The following ZNF813 variants were observed in gnomAD, a reference collection of about 807,000 sequenced individuals.
The protein encoded by ZNF813 is zinc finger protein 813.
In ZNF813, 3 loss-of-function variants were observed where a neutral mutation model predicts 7.2. The observed-to-expected ratio is 0.42, with a 90% confidence interval of 0.19 to 1.08. The LOEUF (loss-of-function observed/expected upper bound fraction) is 1.08, where lower values mean the gene tolerates loss of function less well. Among genes scored for constraint, ZNF813 ranks in the 50% least tolerant of loss-of-function variants. The pLI is 0.30. For synonymous variants in ZNF813, 227 were observed against 256.3 expected (o/e 0.89, Z 1.09); for missense variants, 714 against 753.3 (o/e 0.95, Z 0.61).
intron 1 of ZNF813, among the ~76,000 whole-genome samples, chr19:53,477,628 C>T (rs561513346): frequency 2.3e-4 from 34 of 149,044 alleles, no homozygotes; most frequent in Non-Finnish European, 3.8e-4. Context: ...CCAGCCTGGG[C>T]AACATAGTAA....
At chr19:53,486,592 C>T in intron 2 of ZNF813, 40 bp from the exon 3 acceptor site, 1 of 1,613,896 alleles carries the variant, frequency 6.2e-7, no homozygotes, top group South Asian at 1.1e-5. Context: ...GATAAGAACT[C>T]CTCCCATAAC....
At chr19:53,488,385 C>T in intron 3 of ZNF813, 2 of 294,304 alleles carry the variant, frequency 6.8e-6, no homozygotes, top group Non-Finnish European at 6.7e-6. Flanking sequence ...TGGAGTGACT[C>T]TTTAGACTTC....
Position 53,491,579 on chromosome 19 carries a change from T to G in ZNF813, c.1347T>G (p.Ser449Arg). 6.2e-7 allele frequency: 1 copy of G among 1,613,318 alleles called. No homozygotes were observed. Residue 449 changes from serine to arginine, a missense_variant, in exon 4 of 4, where the codon AGT (serine) becomes AGG (arginine). By Grantham distance (110) the Ser-to-Arg change is moderately radical. This residue lies in a region of ZNF813 where 563 missense variants were observed against 554.2 expected (regional missense o/e 1.02). Coordinates refer to ENST00000396403, the MANE Select transcript of ZNF813 (RefSeq NM_001004301.4). ...YKCTECVKTF[S>R]RNSALVIHKA... ...GTACTGAGTGTGTCAAGACGTTCAG[T>G]CGAAATTCAGCCCTTGTAATTCATA...
chr19:53,490,483 A>G lies in ZNF813; in HGVS notation c.251A>G (p.Asp84Gly). ...LQRHESHHTG[D>G]FRFQEIDKDI... ...AGACATGAAAGTCATCACACTGGAG[A>G]CTTTCGCTTTCAGGAAATTGATAAA... The change falls in exon 4 of 4, where the codon GAC becomes GGC. Residue 84 changes from aspartate to glycine, a missense_variant. This residue lies in a region of ZNF813 where 563 missense variants were observed against 554.2 expected (regional missense o/e 1.02). Coordinates refer to ENST00000396403, the MANE Select transcript of ZNF813 (RefSeq NM_001004301.4). 2.5e-6 allele frequency: 4 copies of G among 1,614,178 alleles called. No individual in the cohort carries two copies. The highest frequency in any genetic ancestry group is 3.4e-6 in the Non-Finnish European group (4 of 1,180,038).
chr19:53,486,609 C>G (rs560950811), intron 2 of ZNF813, 23 bp from the exon 3 acceptor site: 30 of 1,613,530 alleles, frequency 1.9e-5, no homozygotes, highest in South Asian at 1.5e-4. Flanking sequence ...TAACAATTTC[C>G]TTAAAATGTG....
chr19:53,476,554 G>A (rs1019839129), intron 1 of ZNF813, among the ~76,000 whole-genome samples: 1 of 151,566 alleles, frequency 6.6e-6, no homozygotes, highest in Non-Finnish European at 1.5e-5. Flanking sequence ...GCTTGAACCC[G>A]GGGGGCAGAG....
rs1464469254 is a variant in ZNF813 at position 53,493,261 on chromosome 19, G to C, written c.*1175G>C. The C allele has an allele frequency of 5.4e-6, 1 of 184,880 alleles. No homozygotes were observed. The allele number at this position is 184,880 out of a possible 1,614,324, so 11.5% of individuals were successfully genotyped here. A position where few individuals can be genotyped will look rare whatever the true frequency, so the allele number is the denominator to read the frequency against. ...TTTGTTCTTTAACAAAAACTGATAG[G>C]GATTTTTATGGGTACCGTGTTGAAT... On this transcript the variant is annotated 3_prime_UTR_variant, in exon 4 of 4. Coordinates refer to ENST00000396403, the MANE Select transcript of ZNF813 (RefSeq NM_001004301.4).
chr19:53,479,170 GGT>G (rs1227393440), intron 1 of ZNF813, among the ~76,000 whole-genome samples: 2 of 152,130 alleles, frequency 1.3e-5, no homozygotes, highest in African/African-American at 4.8e-5. Flanking sequence ...CCTGACCTCA[GGT>G]GATCCACTTG....
chr19:53,492,593 ACCATCAGGCAAT>A lies in ZNF813; in HGVS notation c.*512_*523del. On this transcript the variant is annotated 3_prime_UTR_variant, in exon 4 of 4. Coordinates refer to ENST00000396403, the MANE Select transcript of ZNF813 (RefSeq NM_001004301.4). The stretch of plus-strand genomic sequence containing the variant: ...CTTAATGAGCAGTCAACACTTACTC[ACCATCAGGCAAT>A]CCATGGTGAAGGAAACTTGACTAAT... The A allele has an allele frequency of 1.6e-6, 1 of 636,464 alleles. No homozygotes were observed. Among genetic ancestry groups the A allele is most frequent in the Non-Finnish European group, 2.8e-6 (1 of 359,268 alleles). The allele number at this position is 636,464 out of a possible 1,614,324, so 39.4% of individuals were successfully genotyped here.
chr19:53,482,706 CTTTTTGTTTTTTTT>C (rs1216443600), intron 1 of ZNF813, among the ~76,000 whole-genome samples: 2 of 91,470 alleles, frequency 2.2e-5, no homozygotes, highest in African/African-American at 7.8e-5. Context: ...ATCAGGAATG[CTTTTTGTTTTTTTT>C]TTTTTTTTTT....
Position 53,475,251 on chromosome 19 carries a change from T to C in ZNF813, c.-74+7462T>C, listed in dbSNP as rs202181954. 3.3e-5 allele frequency among the ~76,000 whole-genome samples: 5 copies of C among 152,260 alleles called. No homozygotes were observed. The East Asian group carries it at 9.6e-4, about 29-fold the overall frequency. On this transcript the variant is annotated intron_variant, in intron 1 of 3. Transcript: ENST00000396403. ...ACAGTGCTCTTGTCAGGGCTATTAA[T>C]TCTGCCTTTTGAGCTGATGTTCCGG...
intron 3 of ZNF813, among the ~76,000 whole-genome samples, chr19:53,487,680 C>A (rs1387632283): frequency 6.6e-6 from 1 of 151,962 alleles, no homozygotes; most frequent in African/African-American, 2.4e-5. Context: ...CATCTGTAAG[C>A]CCTGCTACTC....
intron 1 of ZNF813, among the ~76,000 whole-genome samples, chr19:53,478,343 AT>A (rs1219893825): frequency 1.6e-4 from 24 of 149,134 alleles, no homozygotes; most frequent in East Asian, 3.9e-4. Context: ...CAAGTATTGT[AT>A]TTTTTTTTTG....
chr19:53,486,648 G>A lies in ZNF813; in HGVS notation c.32G>A (p.Arg11Lys), dbSNP rs952924336. The change falls in exon 3 of 4, where the codon AGG (arginine) becomes AAG (lysine). Residue 11 changes from arginine (R) to lysine (K), a missense_variant. This residue lies in a region of ZNF813 where 29 missense variants were observed against 52.3 expected (regional missense o/e 0.55). Transcript: ENST00000396403. Reference sequence around the variant, plus strand: ...TCATTTCAGGGTCTATTGACATTCAGGGATGTGGCCATAGAATTCTCTCAG... The same window carrying A: ...TCATTTCAGGGTCTATTGACATTCAAGGATGTGGCCATAGAATTCTCTCAG... Reference protein sequence around the residue: MALPQGLLTFRDVAIEFSQEE... With the variant: MALPQGLLTFKDVAIEFSQEE... The A allele has an allele frequency of 1.2e-6, 2 of 1,614,026 alleles. No individual in the cohort carries two copies. The highest frequency in any genetic ancestry group is 1.7e-5 in the Admixed American group (1 of 60,006).
intron 1 of ZNF813, chr19:53,479,663 C>A: frequency 8.3e-7 from 1 of 1,206,852 alleles, no homozygotes; most frequent in Non-Finnish European, 1.2e-6. Context: ...GAAGATGGAA[C>A]TCCAGGAAAT....
chr19:53,486,951 T>TGC (rs1159368673), intron 3 of ZNF813, among the ~76,000 whole-genome samples, 193 bp downstream of exon 3: 1 of 151,186 alleles, frequency 6.6e-6, no homozygotes, highest in Non-Finnish European at 1.5e-5. Flanking sequence ...CTGGTACAGG[T>TGC]GCATGTGACC....
Position 53,492,332 on chromosome 19 carries a change from G to A in ZNF813, c.*246G>A, listed in dbSNP as rs1254799640. ...GTGACAAAGTTTACAGTGGCAAATC[G>A]AGCCTCAAAAGACAGGAGAATTCAT... On this transcript the variant is annotated 3_prime_UTR_variant, in exon 4 of 4. Transcript: ENST00000396403. 15 of 641,162 alleles carry A rather than the reference G, an allele frequency of 2.3e-5. No individual in the cohort carries two copies. The highest frequency in any genetic ancestry group is 3.7e-5 in the African/African-American group (2 of 54,590). The allele number at this position is 641,162 out of a possible 1,614,324, so 39.7% of individuals were successfully genotyped here.
rs141820604 is a variant in ZNF813 at position 53,475,001 on chromosome 19, T to C, written c.-74+7212T>C. On this transcript the variant is annotated intron_variant, in intron 1 of 3. Coordinates refer to ENST00000396403, the MANE Select transcript of ZNF813 (RefSeq NM_001004301.4). ...TTTGCCTCTCTGCCTTTCTGTTTCC[T>C]GTGGCTTCTGGCATCCTTGCCATTT... is the stretch of plus-strand genomic sequence containing the variant. Among the ~76,000 whole-genome samples, 1,355 of 152,290 alleles carry C rather than the reference T, an allele frequency of 8.9e-3. 22 individuals are homozygous for C. The highest frequency in any genetic ancestry group is 0.031 in the African/African-American group (1,273 of 41,554).
At chr19:53,480,283 G>T (rs922882222) in intron 1 of ZNF813, 1 of 737,220 alleles carries the variant, frequency 1.4e-6, no homozygotes, top group African/African-American at 1.7e-5. Flanking sequence ...ATTCCAGCTG[G>T]GCTAGAGGCT....
Sources: allele counts gnomAD v4.1 joint callset (sites outside exome capture counted in the v4.1 genomes callset), GRCh38; gene constraint gnomAD v4.1.1; regional missense constraint gnomAD v4.1.1; transcripts MANE v1.5; gene names NCBI Gene and HGNC (gene_info 2026-07-23, HGNC 2026-07-21).